SYNJ1: variants seen among roughly 807,000 people sequenced by gnomAD.
SYNJ1 encodes polyphosphatidylinositol phosphatase SYNJ1.
SYNJ1 carries 78 observed loss-of-function variants against 168.2 expected under a neutral mutation model. The observed-to-expected ratio is 0.46, with a 90% confidence interval of 0.39 to 0.56. The LOEUF (loss-of-function observed/expected upper bound fraction) is 0.56. SYNJ1 is among the 20% of genes least tolerant of loss of function. The probability of loss-of-function intolerance (pLI) is 0.00; values close to 1 mark genes in which losing one functional copy is unlikely to be tolerated. For missense variants in SYNJ1, 1,303 were observed against 1,597.6 expected (o/e 0.82, Z 3.14); for synonymous variants, 539 against 548.6 (o/e 0.98, Z 0.24).
rs781675993 is a variant in SYNJ1, at chr21:32,695,279, A to C, written c.483T>G (p.Asn161Lys). ...EQTTDNRFFW[N>K]QSLHLHLKHY... ...GTTTGAGATGCAAATGCAAAGACTG[A>C]TTCCTAATAGGAAAAGAAATAAATG... Residue 161 changes from asparagine to lysine, a missense_variant, in exon 5 of 33, where the codon AAT (asparagine) becomes AAG (lysine). By Grantham distance (94) the Asn-to-Lys change is moderately conservative (BLOSUM62 0). Coordinates refer to ENST00000674351, the MANE Select transcript of SYNJ1 (RefSeq NM_203446.3). 2.5e-6 allele frequency: 4 copies of C among 1,613,228 alleles called. No homozygotes were observed. Among genetic ancestry groups the C allele is most frequent in the Non-Finnish European group, 3.4e-6 (4 of 1,179,434 alleles).
chr21:32,702,102 T>C, intron 2 of SYNJ1, 55 bp from the exon 3 acceptor site: 3 of 1,250,756 alleles, frequency 2.4e-6, no homozygotes, highest in Non-Finnish European at 3.4e-6. Context: ...GGATTCTATT[T>C]AGCTAAGTAT....
chr21:32,647,248 T>C (rs969558443), intron 23 of SYNJ1, among the ~76,000 whole-genome samples: 3 of 152,224 alleles, frequency 2.0e-5, no homozygotes, highest in African/African-American at 7.2e-5. Context: ...CAGGAATTTA[T>C]GTAACATCCT....
chr21:32,639,197 T>A, intron 30 of SYNJ1, 72 bp from the exon 31 acceptor site: 1 of 1,390,974 alleles, frequency 7.2e-7, no homozygotes, highest in Non-Finnish European at 9.8e-7. Flanking sequence ...TTTAGTGAAA[T>A]GTTAGGAGAA....
chr21:32,645,626 T>C lies in SYNJ1; in HGVS notation c.3391+20A>G. The C allele has an allele frequency of 6.6e-7, 1 of 1,512,958 alleles. No homozygotes were observed. 93.7% of individuals were successfully genotyped at this position (1,512,958 alleles called of 1,614,324 possible). ...TGAAGAATTTTACATCTAGCAGAAA[T>C]GGAAATAAAAGGTTGTCACCTGAAG... is the stretch of plus-strand genomic sequence containing the variant. On this transcript the variant is annotated intron_variant, in intron 25 of 32. Coordinates refer to ENST00000674351, the MANE Select transcript of SYNJ1 (RefSeq NM_203446.3).
At chr21:32,636,737 A>C (rs1458660386) in intron 31 of SYNJ1, among the ~76,000 whole-genome samples, 1 of 152,080 alleles carries the variant, frequency 6.6e-6, no homozygotes, top group Non-Finnish European at 1.5e-5. Flanking sequence ...CCTGGAGGAA[A>C]CTGTAACCAC....
At chr21:32,633,858 C>T (rs181904182) in intron 32 of SYNJ1, among the ~76,000 whole-genome samples, 134 of 152,170 alleles carry the variant, frequency 8.8e-4, no homozygotes, top group African/African-American at 3.2e-3. Context: ...TAAATTTGTA[C>T]AAAACTAAAG....
chr21:32,700,075 A>C lies in SYNJ1; in HGVS notation c.242T>G (p.Val81Gly). The C allele has an allele frequency of 6.2e-7, 1 of 1,613,988 alleles. No individual in the cohort carries two copies. The highest frequency in any genetic ancestry group is 1.1e-5 in the South Asian group (1 of 91,058). ...GDTMLHYLVLVTGCMSVGKIQ... is the reference protein window; with the variant it reads ...GDTMLHYLVLGTGCMSVGKIQ... The stretch of plus-strand genomic sequence containing the variant: ...TTTTCCAACAGACATACATCCAGTG[A>C]CTAGGACCAGATAATGTAACATAGT... Residue 81 changes from valine (V) to glycine (G), a missense_variant, in exon 4 of 33, where the codon GTC (valine) becomes GGC (glycine). By Grantham distance (109) the Val-to-Gly change is moderately radical. Coordinates refer to ENST00000674351, the MANE Select transcript of SYNJ1 (RefSeq NM_203446.3).
intron 30 of SYNJ1, 45 bp from the exon 31 acceptor site, chr21:32,639,170 C>T: frequency 6.5e-7 from 1 of 1,536,276 alleles, no homozygotes; most frequent in African/African-American, 1.4e-5. Context: ...TTCTAGAAAA[C>T]CATGTTTTTT....
chr21:32,687,195 C>T (rs1029447132), intron 7 of SYNJ1, 121 bp from the exon 8 acceptor site: 9 of 539,908 alleles, frequency 1.7e-5, no homozygotes, highest in Non-Finnish European at 2.4e-5. Context: ...AATTGGAAAA[C>T]TGGGTGCGAA....
In SYNJ1 at chr21:32,646,450, G is replaced by C; in HGVS notation, c.3190C>G (p.Leu1064Val). ...GGTGCTCGGCTTGGTCTGATGGGAA[G>C]GGAAGGTACAGGACCCTCTGATATT... is the stretch of plus-strand genomic sequence containing the variant. ...PTISEGPVPS[L>V]PIRPSRAPSR... The change falls in exon 24 of 33, where the codon CTT becomes GTT. Residue 1064 changes from leucine (L) to valine (V), a missense_variant. By Grantham distance (32) the Leu-to-Val change is conservative. Around this residue, in one of 2 missense-constraint regions of SYNJ1, gnomAD observed 383 missense variants for 388.8 expected, o/e 0.99. Transcript: ENST00000674351. 1 of 1,614,176 alleles carries C rather than the reference G, an allele frequency of 6.2e-7. No individual in the cohort carries two copies. The highest frequency in any genetic ancestry group is 8.5e-7 in the Non-Finnish European group (1 of 1,180,026).
At chr21:32,673,088 G>A (rs2041267703) in intron 14 of SYNJ1, among the ~76,000 whole-genome samples, 1 of 152,064 alleles carries the variant, frequency 6.6e-6, no homozygotes, top group Non-Finnish European at 1.5e-5. Context: ...TATTTCCTGA[G>A]AATCAATTAT....
rs1344369951 is a variant in SYNJ1, at chr21:32,629,378, C to T, written c.*2427G>A. 2.0e-5 allele frequency: 3 copies of T among 152,580 alleles called. No homozygotes were observed. The highest frequency in any genetic ancestry group is 4.4e-5 in the Non-Finnish European group (3 of 68,016). 9.5% of individuals were successfully genotyped at this position (152,580 alleles called of 1,614,324 possible). A position where few individuals can be genotyped will look rare whatever the true frequency, so the allele number is the denominator to read the frequency against. On this transcript the variant is annotated 3_prime_UTR_variant, in exon 33 of 33. Coordinates refer to ENST00000674351, the MANE Select transcript of SYNJ1 (RefSeq NM_203446.3). ...TCCAAAAAGCACAATATAAAACTCA[C>T]AAGAGTTATTTCTAACAGCAAATCT...
chr21:32,630,993 C>G lies in SYNJ1; in HGVS notation c.*812G>C. 1 of 1,608,972 alleles carries G rather than the reference C, an allele frequency of 6.2e-7. No individual in the cohort carries two copies. ...GTACCCACTGTTTTCTATTGCATGG[C>G]GTTATCTTTCTGTAAAGTCCAGTGT... On this transcript the variant is annotated 3_prime_UTR_variant, in exon 33 of 33. Transcript: ENST00000674351.
rs779923204 is a variant in SYNJ1 at position 32,631,275 on chromosome 21, C to T, written c.*530G>A. ...ATCCTCTTCTTCCTCGAAGGTTACC[C>T]ATCCTTTCGGGTTGCTAATTTTTAA... On this transcript the variant is annotated 3_prime_UTR_variant, in exon 33 of 33. Transcript: ENST00000674351. 9.9e-6 allele frequency: 16 copies of T among 1,614,204 alleles called. No individual in the cohort carries two copies. Among genetic ancestry groups the T allele is most frequent in the Non-Finnish European group, 1.4e-5 (16 of 1,180,034 alleles).
chr21:32,709,477 C>CAAAAAAAAA (rs35527256), intron 2 of SYNJ1, among the ~76,000 whole-genome samples: 1 of 39,428 alleles, frequency 2.5e-5, no homozygotes, highest in African/African-American at 9.1e-5. Flanking sequence ...GACTCTGTCT[C>CAAAAAAAAA]AAAAAAAAAA....
At position 32,678,672 on chromosome 21, in the gene SYNJ1, C is replaced by T. The variant is rs768961845; in HGVS notation, c.1483G>A (p.Ala495Thr). 3 of 1,609,990 alleles carry T rather than the reference C, an allele frequency of 1.9e-6. No homozygotes were observed. In the East Asian group the frequency reaches 6.7e-5, roughly 36 times the overall value. Reference sequence around the variant, plus strand: ...CGCAAACTTCCAGTAGTTAAAAGTGCTCGAGCTTTGTCAGCTAAATCACTA... The same window carrying T: ...CGCAAACTTCCAGTAGTTAAAAGTGTTCGAGCTTTGTCAGCTAAATCACTA... Reference protein sequence around the residue: ...LNSDLADKARALLTTGSLRVS... With the variant: ...LNSDLADKARTLLTTGSLRVS... The change falls in exon 12 of 33, where the codon GCA becomes ACA. Residue 495 changes from alanine (A) to threonine (T), a missense_variant. Around this residue, in one of 2 missense-constraint regions of SYNJ1, gnomAD observed 920 missense variants for 1,208.8 expected, o/e 0.76. Transcript: ENST00000674351.
chr21:32,712,711 T>C (rs893638797), intron 2 of SYNJ1, among the ~76,000 whole-genome samples: 1 of 152,158 alleles, frequency 6.6e-6, no homozygotes, highest in East Asian at 1.9e-4. Flanking sequence ...AATGCAAAAT[T>C]ATAAATTATA....
chr21:32,728,050 G>A (rs1327452480), upstream of SYNJ1: 14 of 1,527,790 alleles, frequency 9.2e-6, no homozygotes, highest in African/African-American at 2.8e-5. Flanking sequence ...TTGCGCCGCG[G>A]CCGGGGGCGG....
chr21:32,727,065 T>C, intron 1 of SYNJ1, 148 bp from the exon 2 acceptor site: 2 of 1,055,352 alleles, frequency 1.9e-6, no homozygotes, highest in Non-Finnish European at 2.7e-6. Context: ...AAATGGCTTT[T>C]TCCAAAAGAT....
Sources: gnomAD v4.1 joint callset for allele counts (sites outside exome capture counted in the v4.1 genomes callset) on GRCh38, gnomAD v4.1.1 for gene constraint, gnomAD v4.1.1 regional missense constraint, MANE v1.5 for transcripts, NCBI Gene and HGNC (gene_info 2026-07-23, HGNC 2026-07-21) for gene names.